The following CACNA2D3 variants were observed in gnomAD, a reference collection of about 807,000 sequenced individuals.
CACNA2D3 encodes voltage-dependent calcium channel subunit alpha-2/delta-3.
A neutral mutation model predicts 160.6 loss-of-function variants in CACNA2D3; 60 were observed. The observed-to-expected ratio is 0.37, with a 90% CI of 0.30 to 0.46. The LOEUF is 0.46. CACNA2D3 is among the 20% of genes least tolerant of loss of function. CACNA2D3 has a pLI of 1.00. For missense variants in CACNA2D3, 1,205 were observed against 1,365.0 expected (o/e 0.88, Z 1.85); for synonymous variants, 558 against 492.9 (o/e 1.13, Z -1.75).
intron 4 of CACNA2D3, among the ~76,000 whole-genome samples, chr3:54,414,239 A>G (rs539962820): frequency 6.6e-5 from 10 of 152,184 alleles, no homozygotes; most frequent in African/African-American, 2.2e-4. Context: ...ACACAAGGCC[A>G]TCTTCTAGAT....
chr3:54,824,330 C>G (rs1389963939), intron 14 of CACNA2D3, among the ~76,000 whole-genome samples: 1 of 152,172 alleles, frequency 6.6e-6, no homozygotes. Flanking sequence ...GTGGAGGTCA[C>G]CCACCCAACA....
At chr3:54,581,539 G>A (rs762796228) in intron 8 of CACNA2D3, among the ~76,000 whole-genome samples, 5 of 152,176 alleles carry the variant, frequency 3.3e-5, no homozygotes, top group Admixed American at 2.0e-4. Context: ...AGAATGATCA[G>A]TTAACAGGGT....
At chr3:54,880,280 A>G (rs887066707) in intron 20 of CACNA2D3, among the ~76,000 whole-genome samples, 1 of 152,240 alleles carries the variant, frequency 6.6e-6, no homozygotes, top group Non-Finnish European at 1.5e-5. Context: ...AAATCAAGCC[A>G]GTGAGTGTGA....
At chr3:54,962,062 C>G (rs75007423) in intron 27 of CACNA2D3, among the ~76,000 whole-genome samples, 1,757 of 152,146 alleles carry the variant, frequency 0.012, 30 homozygotes, top group African/African-American at 0.04. Flanking sequence ...CTCATTAATC[C>G]ATTAACCCAT....
chr3:54,126,529 A>AT (rs1699594276), intron 2 of CACNA2D3, among the ~76,000 whole-genome samples: 1 of 152,122 alleles, frequency 6.6e-6, no homozygotes, highest in African/African-American at 2.4e-5. Flanking sequence ...TAGCCCCTAT[A>AT]TTTTTTTCTT....
At chr3:54,820,794 A>C (rs1703572776) in intron 14 of CACNA2D3, among the ~76,000 whole-genome samples, 1 of 152,170 alleles carries the variant, frequency 6.6e-6, no homozygotes, top group Admixed American at 6.5e-5. Context: ...GAGAGATCTG[A>C]TTTTATGATA....
chr3:55,044,701 G>T (rs1417609901), intron 35 of CACNA2D3, among the ~76,000 whole-genome samples: 1 of 151,976 alleles, frequency 6.6e-6, no homozygotes, highest in Non-Finnish European at 1.5e-5. Context: ...CAGTTTTAGG[G>T]GGGAAAGCTG....
chr3:54,461,646 A>G (rs1284290053), intron 4 of CACNA2D3, among the ~76,000 whole-genome samples: 7 of 151,226 alleles, frequency 4.6e-5, no homozygotes, highest in Non-Finnish European at 8.9e-5. Context: ...TTTTTATTGC[A>G]TCTATTTGAT....
chr3:54,764,818 G>C (rs1454676055), intron 13 of CACNA2D3, among the ~76,000 whole-genome samples: 2 of 152,200 alleles, frequency 1.3e-5, no homozygotes, highest in Non-Finnish European at 2.9e-5. Flanking sequence ...GCATAAGTGA[G>C]AATATGCTTG....
chr3:54,946,515 G>C (rs1227972053), intron 27 of CACNA2D3, among the ~76,000 whole-genome samples: 1 of 152,132 alleles, frequency 6.6e-6, no homozygotes, highest in African/African-American at 2.4e-5. Flanking sequence ...GTTAGCAGCA[G>C]GAAAGAAGAG....
intron 35 of CACNA2D3, among the ~76,000 whole-genome samples, chr3:55,057,269 T>C (rs1343997998): frequency 2.0e-5 from 3 of 152,236 alleles, no homozygotes; most frequent in Admixed American, 6.5e-5. Flanking sequence ...GGTATGTCTT[T>C]ATTAGCAGCA....
intron 18 of CACNA2D3, among the ~76,000 whole-genome samples, chr3:54,874,421 C>T (rs77587230): frequency 0.019 from 2,838 of 152,070 alleles, 31 homozygotes; most frequent in Non-Finnish European, 0.031. Context: ...TAGCGTTTAT[C>T]CTTTGGTTAT....
chr3:54,255,699 C>T (rs1230345603), intron 2 of CACNA2D3, among the ~76,000 whole-genome samples: 6 of 152,108 alleles, frequency 3.9e-5, no homozygotes, highest in Non-Finnish European at 8.8e-5. Context: ...GTCTGCTTCC[C>T]ACCCTACTTT....
At chr3:54,459,837 A>T (rs924366843) in intron 4 of CACNA2D3, among the ~76,000 whole-genome samples, 9 of 152,164 alleles carry the variant, frequency 5.9e-5, no homozygotes, top group Non-Finnish European at 1.0e-4. Context: ...TTAGACATGA[A>T]GTCCTTGCCC....
At chr3:54,822,785 T>TC (rs1450856080) in intron 14 of CACNA2D3, among the ~76,000 whole-genome samples, 1,158 of 78,032 alleles carry the variant, frequency 0.015, 2 homozygotes, top group African/African-American at 0.025. Context: ...TTTCTTTCTT[T>TC]CTTTCCTTTC....
At chr3:54,142,938 G>GT (rs1699963499) in intron 2 of CACNA2D3, among the ~76,000 whole-genome samples, 1 of 152,188 alleles carries the variant, frequency 6.6e-6, no homozygotes, top group African/African-American at 2.4e-5. Flanking sequence ...TTAGGGACAG[G>GT]TATAAGCCAT....
intron 3 of CACNA2D3, among the ~76,000 whole-genome samples, chr3:54,366,545 A>G (rs937491977): frequency 2.6e-5 from 4 of 152,224 alleles, no homozygotes; most frequent in African/African-American, 9.6e-5. Context: ...TAGGAGCTTA[A>G]ATTGGATTCG....
chr3:54,936,137 A>G (rs1701322541), intron 27 of CACNA2D3, among the ~76,000 whole-genome samples: 1 of 151,896 alleles, frequency 6.6e-6, no homozygotes, highest in Non-Finnish European at 1.5e-5. Context: ...AAAGGGTTAA[A>G]CAGTTTTTTA....
At chr3:54,808,291 A>G (rs1302339156) in intron 13 of CACNA2D3, among the ~76,000 whole-genome samples, 1 of 152,196 alleles carries the variant, frequency 6.6e-6, no homozygotes, top group Non-Finnish European at 1.5e-5. Context: ...GAAAGCCATT[A>G]GAAGCTAGGT....
Sources: allele counts gnomAD v4.1 joint callset (sites outside exome capture counted in the v4.1 genomes callset), GRCh38; gene constraint gnomAD v4.1.1; transcripts MANE v1.5; gene names NCBI Gene and HGNC (gene_info 2026-07-23, HGNC 2026-07-21).